The following PTGIS variants were observed in gnomAD, a reference collection of about 807,000 sequenced individuals.
PTGIS encodes prostaglandin I2 synthase.
In PTGIS, 45 loss-of-function variants were observed where a neutral mutation model predicts 50.3. The observed-to-expected ratio is 0.90, with a 90% confidence interval of 0.70 to 1.15. PTGIS has a LOEUF of 1.15. PTGIS is among the 50% of genes most tolerant of loss of function. The pLI is 0.00. For synonymous variants in PTGIS, 260 were observed against 267.7 expected (o/e 0.97, Z 0.28); for missense variants, 668 against 661.3 (o/e 1.01, Z -0.11).
chr20:49,539,963 G>A (rs1028719019), intron 4 of PTGIS, among the ~76,000 whole-genome samples: 10 of 152,198 alleles, frequency 6.6e-5, no homozygotes, highest in Non-Finnish European at 1.2e-4. Flanking sequence ...TGAATAATGC[G>A]CCAGCTGGTG....
Position 49,544,320 on chromosome 20 carries a change from T to G in PTGIS, c.506A>C (p.Tyr169Ser). ...WHEMGLLDFS[Y>S]SFLLRAGYLT... Reference sequence around the variant, plus strand: ...ACAGCCTCACCTGAGCAGGAAGCTGTAGGAGAAGTCGAGGAGACCCATCTC... The same window carrying G: ...ACAGCCTCACCTGAGCAGGAAGCTGGAGGAGAAGTCGAGGAGACCCATCTC... Residue 169 changes from tyrosine (Y) to serine (S), a missense_variant, in exon 4 of 10, where the codon TAC becomes TCC. By Grantham distance (144) the Tyr-to-Ser change is moderately radical. Transcript: ENST00000244043. 6.2e-7 allele frequency: 1 copy of G among 1,614,118 alleles called. No individual in the cohort carries two copies. Among genetic ancestry groups the G allele is most frequent in the African/African-American group, 1.3e-5 (1 of 75,056 alleles).
intron 4 of PTGIS, among the ~76,000 whole-genome samples, chr20:49,543,302 A>T (rs2122881624): frequency 6.6e-6 from 1 of 152,062 alleles, no homozygotes; most frequent in Non-Finnish European, 1.5e-5. Flanking sequence ...CCTTGGTGAC[A>T]CCTGGCAGCC....
At chr20:49,541,895 C>T (rs546640864) in intron 4 of PTGIS, among the ~76,000 whole-genome samples, 1 of 152,136 alleles carries the variant, frequency 6.6e-6, no homozygotes, top group Non-Finnish European at 1.5e-5. Flanking sequence ...ACACGACCCA[C>T]AGGCGGCGCT....
chr20:49,512,092 G>C (rs900501037), intron 8 of PTGIS, among the ~76,000 whole-genome samples: 1 of 151,442 alleles, frequency 6.6e-6, no homozygotes, highest in Non-Finnish European at 1.5e-5. Context: ...TGATTGAATG[G>C]ACAGACGGAT....
chr20:49,528,678 T>C (rs1188077324), intron 5 of PTGIS, among the ~76,000 whole-genome samples: 1 of 152,198 alleles, frequency 6.6e-6, no homozygotes, highest in Non-Finnish European at 1.5e-5. Flanking sequence ...CAAATCAGTT[T>C]ACATTTGTAT....
At chr20:49,557,507 G>A (rs180817661) in intron 1 of PTGIS, among the ~76,000 whole-genome samples, 2 of 151,800 alleles carry the variant, frequency 1.3e-5, no homozygotes, top group East Asian at 1.9e-4. Flanking sequence ...CAGGAAGATC[G>A]CTTGAGTCTG....
chr20:49,529,418 A>G (rs1180074986), intron 5 of PTGIS, among the ~76,000 whole-genome samples: 1 of 152,142 alleles, frequency 6.6e-6, no homozygotes, highest in Non-Finnish European at 1.5e-5. Flanking sequence ...GTTCATCTAT[A>G]TTGTTACAAA....
Position 49,530,913 on chromosome 20 carries a change from C to A in PTGIS, c.674-6674G>T, listed in dbSNP as rs1053726932. 3.3e-5 allele frequency among the ~76,000 whole-genome samples: 5 copies of A among 152,282 alleles called. No homozygotes were observed. The South Asian group carries it at 8.3e-4, about 25-fold the overall frequency. ...TAGCTGAGACTACAGGCGTGCACCA[C>A]CACGCCCAGCTAATTTTTGTATTTT... On this transcript the variant is annotated intron_variant, in intron 5 of 9. Transcript: ENST00000244043.
intron 9 of PTGIS, among the ~76,000 whole-genome samples, chr20:49,508,304 G>A (rs1461238341): frequency 2.0e-5 from 3 of 152,222 alleles, no homozygotes; most frequent in South Asian, 2.1e-4. Flanking sequence ...AGTGGCCTGT[G>A]TCACTCCTGT....
chr20:49,532,324 T>C (rs1018003361), intron 5 of PTGIS, among the ~76,000 whole-genome samples: 1 of 152,222 alleles, frequency 6.6e-6, no homozygotes, highest in Non-Finnish European at 1.5e-5. Context: ...TAGCAATAGT[T>C]ACCTGGGGAT....
intron 1 of PTGIS, among the ~76,000 whole-genome samples, chr20:49,558,344 G>A (rs1304789454): frequency 1.3e-5 from 2 of 152,204 alleles, no homozygotes; most frequent in African/African-American, 4.8e-5. Flanking sequence ...AGCTGTGACT[G>A]TGCCACTGGA....
intron 5 of PTGIS, among the ~76,000 whole-genome samples, chr20:49,534,201 A>G (rs1982011420): frequency 6.6e-6 from 1 of 152,168 alleles, no homozygotes; most frequent in South Asian, 2.1e-4. Flanking sequence ...GACAATGAAT[A>G]TGTTTGTGTA....
chr20:49,519,958 G>C (rs968628035), intron 6 of PTGIS, among the ~76,000 whole-genome samples: 1 of 142,758 alleles, frequency 7.0e-6, no homozygotes, highest in Non-Finnish European at 1.5e-5. Flanking sequence ...CCCTGCCTCT[G>C]CTTCCCCACC....
chr20:49,533,509 A>T (rs902526136), intron 5 of PTGIS, among the ~76,000 whole-genome samples: 1 of 152,184 alleles, frequency 6.6e-6, no homozygotes, highest in Non-Finnish European at 1.5e-5. Context: ...ATATATTTAT[A>T]CTTTAAAAAG....
intron 2 of PTGIS, among the ~76,000 whole-genome samples, chr20:49,548,544 GTGGA>G (rs911287956): frequency 4.6e-4 from 70 of 151,446 alleles, no homozygotes; most frequent in African/African-American, 1.6e-3. Context: ...GAATGGATGG[GTGGA>G]TGGATGGATG....
chr20:49,534,211 A>G (rs1457312812), intron 5 of PTGIS, among the ~76,000 whole-genome samples: 1 of 152,200 alleles, frequency 6.6e-6, no homozygotes, highest in Non-Finnish European at 1.5e-5. Context: ...ATGTTTGTGT[A>G]TCTGTAGACA....
Position 49,504,302 on chromosome 20 carries a change from C to G in PTGIS, c.*3618G>C, listed in dbSNP as rs1981080334. ...CACACCAGCATGGAGCCCCCTTCCC[C>G]AGCGAATTTATTTTTCATGGTCACT... On this transcript the variant is annotated 3_prime_UTR_variant, in exon 10 of 10. Transcript: ENST00000244043. 6.6e-6 allele frequency: 1 copy of G among 152,260 alleles called. No homozygotes were observed. The highest frequency in any genetic ancestry group is 1.9e-4 in the East Asian group (1 of 5,206). 9.4% of individuals were successfully genotyped at this position (152,260 alleles called of 1,614,324 possible).
intron 5 of PTGIS, among the ~76,000 whole-genome samples, chr20:49,528,978 T>C (rs1246397388): frequency 6.6e-6 from 1 of 152,202 alleles, no homozygotes; most frequent in Admixed American, 6.5e-5. Flanking sequence ...TTAATTTTTT[T>C]CCAGCCTTGC....
chr20:49,540,552 C>G lies in PTGIS; in HGVS notation c.522-831G>C, dbSNP rs1346367732. ...CAGCAGTGAGAAGGTTGTGCTTGAT[C>G]TGAGGGGCTCTGGGAGGCCCGAGAA... On this transcript the variant is annotated intron_variant, in intron 4 of 9. Coordinates refer to ENST00000244043, the MANE Select transcript of PTGIS (RefSeq NM_000961.4). This position sits in a 1 kb window ranked among gnomAD's most constrained non-coding sequence, Gnocchi z 4.8. Among the ~76,000 whole-genome samples the G allele has an allele frequency of 6.6e-6, 1 of 152,070 alleles. No homozygotes were observed. Among genetic ancestry groups the G allele is most frequent in the South Asian group, 2.1e-4 (1 of 4,826 alleles).
Sources: allele counts gnomAD v4.1 joint callset (sites outside exome capture counted in the v4.1 genomes callset), GRCh38; gene constraint gnomAD v4.1.1; non-coding constraint Gnocchi (gnomAD v3.1); transcripts MANE v1.5; gene names NCBI Gene and HGNC (gene_info 2026-07-23, HGNC 2026-07-21).